The following CPAMD8 variants were observed in gnomAD, a reference collection of about 807,000 sequenced individuals.
The protein encoded by CPAMD8 is C3 and PZP-like alpha-2-macroglobulin domain-containing protein 8.
In CPAMD8, 146 loss-of-function variants were observed where a neutral mutation model predicts 224.7. That is an observed-to-expected ratio of 0.65 (90% CI 0.57 to 0.75). The LOEUF (loss-of-function observed/expected upper bound fraction) is 0.75, where lower values mean the gene tolerates loss of function less well. Among genes scored for constraint, CPAMD8 ranks in the 30% least tolerant of loss-of-function variants. CPAMD8 has a pLI of 0.00. For synonymous variants in CPAMD8, 966 were observed against 1,044.6 expected (o/e 0.92, Z 1.45); for missense variants, 2,301 against 2,537.5 (o/e 0.91, Z 2.00).
intron 3 of CPAMD8, among the ~76,000 whole-genome samples, chr19:17,019,548 A>AC (rs1361188639): frequency 1.3e-5 from 2 of 149,826 alleles, no homozygotes; most frequent in African/African-American, 4.9e-5. Flanking sequence ...TCCTTTTCTA[A>AC]ATTTCATTAT....
Position 16,928,213 on chromosome 19 carries a change from A to G in CPAMD8, c.3166T>C (p.Ser1056Pro). 6.2e-7 allele frequency: 1 copy of G among 1,613,932 alleles called. No individual in the cohort carries two copies. Among genetic ancestry groups the G allele is most frequent in the Non-Finnish European group, 8.5e-7 (1 of 1,179,998 alleles). ...CAGGCCACAATGACAGACTCATTGG[A>G]TGGCTCTGGACCATGGCCAACCTGG... is the stretch of plus-strand genomic sequence containing the variant. Reference protein sequence around the residue: ...LIQVGHGPEPSNESVIVAWTL... With the variant: ...LIQVGHGPEPPNESVIVAWTL... The change falls in exon 25 of 42, where the codon TCC becomes CCC. Residue 1056 changes from serine to proline, a missense_variant. Ser to Pro is a moderately conservative substitution (Grantham distance 74). Around this residue, in one of 4 missense-constraint regions of CPAMD8, gnomAD observed 1,709 missense variants for 1,753.2 expected, o/e 0.97. Transcript: ENST00000443236.
At chr19:16,981,237 T>C (rs2055504275) in intron 13 of CPAMD8, among the ~76,000 whole-genome samples, 1 of 152,038 alleles carries the variant, frequency 6.6e-6, no homozygotes, top group Admixed American at 6.5e-5. Flanking sequence ...GGCACATGCC[T>C]GTAGTCCCCG....
chr19:16,936,462 G>A (rs1478723815), intron 23 of CPAMD8, among the ~76,000 whole-genome samples: 1 of 152,008 alleles, frequency 6.6e-6, no homozygotes, highest in East Asian at 1.9e-4. Context: ...GAGTGCAGTG[G>A]CGCAATCTTG....
intron 25 of CPAMD8, among the ~76,000 whole-genome samples, chr19:16,926,708 G>A (rs1438421233): frequency 6.6e-6 from 1 of 152,138 alleles, no homozygotes; most frequent in Non-Finnish European, 1.5e-5. Context: ...CTACTTTCTA[G>A]GCTCTAGGCT....
chr19:17,000,832 A>C (rs1484493974), intron 9 of CPAMD8, among the ~76,000 whole-genome samples: 1 of 152,212 alleles, frequency 6.6e-6, no homozygotes, highest in African/African-American at 2.4e-5. Flanking sequence ...CAGAGGCATG[A>C]GCGACTGAGA....
At chr19:16,915,972 T>G (rs1451737013) in intron 27 of CPAMD8, among the ~76,000 whole-genome samples, 2 of 151,256 alleles carry the variant, frequency 1.3e-5, no homozygotes. Context: ...TTGATTTTCT[T>G]TCTTCTCTCT....
At chr19:16,947,844 T>C (rs1344061704) in intron 20 of CPAMD8, among the ~76,000 whole-genome samples, 3 of 152,202 alleles carry the variant, frequency 2.0e-5, no homozygotes, top group Non-Finnish European at 4.4e-5. Context: ...TGTGTGTGTA[T>C]GGGCATGCTA....
intron 19 of CPAMD8, among the ~76,000 whole-genome samples, chr19:16,955,197 A>G (rs2054429562): frequency 6.6e-6 from 1 of 152,246 alleles, no homozygotes; most frequent in African/African-American, 2.4e-5. Flanking sequence ...TGGAAGGTTA[A>G]GGCAGAGGAA....
rs1555784293 is a variant in CPAMD8, at chr19:16,985,342, C to CGGATGGATGGAG, written c.1395+4300_1395+4301insCTCCATCCATCC. Among the ~76,000 whole-genome samples, 920 of 142,888 alleles carry CGGATGGATGGAG rather than the reference C, an allele frequency of 6.4e-3. 5 individuals carry two copies. The highest frequency in any genetic ancestry group is 0.023 in the African/African-American group (873 of 37,764). 93.7% of individuals were successfully genotyped at this position (142,888 alleles called of 152,430 possible). ...GAAGGGTGGATGAATGGATGAAGGGCGGATGGATGGATGGATGGATGGAGG... is the reference window on the plus strand; with the variant it reads ...GAAGGGTGGATGAATGGATGAAGGGCGGATGGATGGAGGGATGGATGGATGGATGGATGGAGG... On this transcript the variant is annotated intron_variant, in intron 13 of 41. Transcript: ENST00000443236.
Position 16,957,771 on chromosome 19 carries a change from T to C in CPAMD8, c.2276+82A>G, listed in dbSNP as rs115231380. 2.3e-3 allele frequency: 3,049 copies of C among 1,326,726 alleles called. 45 individuals are homozygous for C. In the African/African-American group the frequency reaches 0.04, roughly 17 times the overall value. The allele number at this position is 1,326,726 out of a possible 1,614,324, so 82.2% of individuals were successfully genotyped here. Reference sequence around the variant, plus strand: ...CAGATGTTGGTATCAGGCCTGCCCATCTCACCGGAGGCTCTCTGGACCCGC... The same window carrying C: ...CAGATGTTGGTATCAGGCCTGCCCACCTCACCGGAGGCTCTCTGGACCCGC... On this transcript the variant is annotated intron_variant, in intron 19 of 41. Coordinates refer to ENST00000443236, the MANE Select transcript of CPAMD8 (RefSeq NM_015692.5).
At chr19:17,000,181 C>T (rs1018350097) in intron 10 of CPAMD8, 5 of 396,584 alleles carry the variant, frequency 1.3e-5, no homozygotes, top group African/African-American at 4.6e-5. Context: ...AGTAAAACAG[C>T]GGTGGCTCAC....
chr19:16,922,049 G>T, intron 26 of CPAMD8, 63 bp from the exon 27 acceptor site: 1 of 1,132,344 alleles, frequency 8.8e-7, no homozygotes, highest in Non-Finnish European at 1.3e-6. Context: ...CGCCCCCAGG[G>T]ACCTACACCA....
At chr19:16,912,674 C>T (rs2052773253) in intron 29 of CPAMD8, among the ~76,000 whole-genome samples, 1 of 152,054 alleles carries the variant, frequency 6.6e-6, no homozygotes, top group South Asian at 2.1e-4. Flanking sequence ...ATGGATCCCA[C>T]CCTGCAAGGG....
intron 30 of CPAMD8, 71 bp downstream of exon 30, chr19:16,906,881 T>A (rs1302604213): frequency 2.2e-6 from 3 of 1,393,706 alleles, no homozygotes; most frequent in East Asian, 2.5e-5. Context: ...AATATGTTCA[T>A]GAGTTGTTTA....
chr19:16,955,119 T>C (rs1368416521), intron 19 of CPAMD8, among the ~76,000 whole-genome samples: 2 of 151,796 alleles, frequency 1.3e-5, no homozygotes, highest in South Asian at 2.1e-4. Flanking sequence ...CAGAGCAAGA[T>C]GCTGTCTCAC....
intron 21 of CPAMD8, among the ~76,000 whole-genome samples, chr19:16,945,975 G>A (rs558361827): frequency 1.2e-4 from 18 of 148,120 alleles, no homozygotes; most frequent in Non-Finnish European, 2.5e-4. Context: ...GTGTGCATTT[G>A]TGTGTGTACA....
intron 9 of CPAMD8, among the ~76,000 whole-genome samples, chr19:17,000,907 T>C (rs749521508): frequency 6.6e-6 from 1 of 152,210 alleles, no homozygotes. Flanking sequence ...TCTCTGAGCC[T>C]GTTTCCTCAC....
rs8100610 is a variant in CPAMD8, at chr19:16,945,484, G to C, written c.2793+65C>G. On this transcript the variant is annotated intron_variant, in intron 22 of 41. Coordinates refer to ENST00000443236, the MANE Select transcript of CPAMD8 (RefSeq NM_015692.5). ...GCCTCAGACCACACACTCCAGCTGG[G>C]CCCAGCTTCATGGCTGAAGGAATGA... 0.23 allele frequency: 368,127 copies of C among 1,577,678 alleles called. 46,840 individuals are homozygous for C. The highest frequency in any genetic ancestry group is 0.51 in the African/African-American group (38,187 of 74,434).
At chr19:16,984,839 T>C (rs2055655410) in intron 13 of CPAMD8, among the ~76,000 whole-genome samples, 1 of 152,084 alleles carries the variant, frequency 6.6e-6, no homozygotes. Flanking sequence ...GTGAAACCCC[T>C]AAAAACCAAG....
Sources: allele counts gnomAD v4.1 joint callset (sites outside exome capture counted in the v4.1 genomes callset), GRCh38; gene constraint gnomAD v4.1.1; regional missense constraint gnomAD v4.1.1; transcripts MANE v1.5; gene names NCBI Gene and HGNC (gene_info 2026-07-23, HGNC 2026-07-21).